Variants in SPAG16 observed in about 807,000 individuals in gnomAD.
SPAG16 encodes the protein sperm-associated antigen 16 protein.
A neutral mutation model predicts 80.4 loss-of-function variants in SPAG16; 86 were observed. That is an observed-to-expected ratio of 1.07 (90% CI 0.90 to 1.28). The LOEUF is 1.28. Ranked by LOEUF, SPAG16 falls within the 50% of genes most tolerant of loss-of-function variation. The pLI is 0.00. For missense variants in SPAG16, 870 were observed against 765.3 expected (o/e 1.14, Z -1.61); for synonymous variants, 294 against 265.9 (o/e 1.11, Z -1.03).
At chr2:213,333,062 AAGTC>A (rs1284277716) in intron 5 of SPAG16, among the ~76,000 whole-genome samples, 1 of 152,126 alleles carries the variant, frequency 6.6e-6, no homozygotes, top group Admixed American at 6.6e-5. Context: ...GGAAAGGAAA[AAGTC>A]AAATTATCCT....
chr2:214,020,132 G>A (rs2047787467), intron 13 of SPAG16, among the ~76,000 whole-genome samples: 1 of 152,066 alleles, frequency 6.6e-6, no homozygotes, highest in African/African-American at 2.4e-5. Flanking sequence ...GGAGCCTGAG[G>A]AAGTAAGTTG....
chr2:214,256,487 C>A (rs541438425), intron 15 of SPAG16, among the ~76,000 whole-genome samples: 14 of 152,028 alleles, frequency 9.2e-5, no homozygotes, highest in African/African-American at 3.4e-4. Flanking sequence ...AGGTATTCTC[C>A]TTTGCTGTTT....
At chr2:214,406,432 T>G (rs1171796714) in intron 15 of SPAG16, among the ~76,000 whole-genome samples, 1 of 152,154 alleles carries the variant, frequency 6.6e-6, no homozygotes, top group Non-Finnish European at 1.5e-5. Context: ...ATTTTACCAC[T>G]CAATTTGTAT....
intron 9 of SPAG16, among the ~76,000 whole-genome samples, chr2:213,410,211 C>T (rs1204527377): frequency 6.6e-6 from 1 of 152,236 alleles, no homozygotes. Context: ...TTCATCTATT[C>T]TATTACTCTT....
rs144975958 is a variant in SPAG16, at chr2:213,925,419, T to G, written c.1215-4541T>G. Among the ~76,000 whole-genome samples, 794 of 151,928 alleles carry G rather than the reference T, an allele frequency of 5.2e-3. 14 individuals carry two copies. Among genetic ancestry groups the G allele is most frequent in the East Asian group, 0.041 (213 of 5,160 alleles). ...TAGGCTGGAGTGCAGTGTCACAATCTTGGCTCACTGCAACCTCTGCCTCCT... is the reference window on the plus strand; with the variant it reads ...TAGGCTGGAGTGCAGTGTCACAATCGTGGCTCACTGCAACCTCTGCCTCCT... On this transcript the variant is annotated intron_variant, in intron 11 of 15. Transcript: ENST00000331683.
At chr2:214,127,035 A>C (rs1439811935) in intron 14 of SPAG16, among the ~76,000 whole-genome samples, 1 of 151,878 alleles carries the variant, frequency 6.6e-6, no homozygotes, top group East Asian at 1.9e-4. Context: ...GGGAAAAGAA[A>C]TAGATTTGAT....
At chr2:213,575,708 G>A (rs2060100593) in intron 10 of SPAG16, among the ~76,000 whole-genome samples, 1 of 152,006 alleles carries the variant, frequency 6.6e-6, no homozygotes, top group African/African-American at 2.4e-5. Context: ...CATTGAATTA[G>A]TTGTTCAGCA....
In SPAG16 at chr2:214,340,754, C is replaced by T. The variant is rs561555554; in HGVS notation, c.1721-69386C>T. 4.6e-5 allele frequency among the ~76,000 whole-genome samples: 7 copies of T among 152,284 alleles called. No individual in the cohort carries two copies. In the East Asian group the frequency reaches 1.4e-3, roughly 29 times the overall value. On this transcript the variant is annotated intron_variant, in intron 15 of 15. Coordinates refer to ENST00000331683, the MANE Select transcript of SPAG16 (RefSeq NM_024532.5). ...GCCCTATATGGCTGTAATTAAGGTG[C>T]TGGCTGAGGCTGTGATTAGGTCAGG...
At chr2:213,908,424 G>C (rs117656244) in intron 11 of SPAG16, among the ~76,000 whole-genome samples, 5 of 152,124 alleles carry the variant, frequency 3.3e-5, no homozygotes, top group Admixed American at 3.3e-4. Context: ...TATTCTTAGA[G>C]CTTTCTTGGC....
chr2:213,508,857 T>C (rs1366629464), intron 10 of SPAG16, among the ~76,000 whole-genome samples: 1 of 151,912 alleles, frequency 6.6e-6, no homozygotes, highest in East Asian at 1.9e-4. Context: ...ACATGGCACA[T>C]GTATACATAT....
intron 10 of SPAG16, among the ~76,000 whole-genome samples, chr2:213,516,974 A>T (rs186628412): frequency 6.6e-6 from 1 of 152,336 alleles, no homozygotes; most frequent in East Asian, 1.9e-4. Flanking sequence ...AATGCAATCA[A>T]GTAAGAGAAA....
intron 12 of SPAG16, among the ~76,000 whole-genome samples, chr2:214,000,975 C>T (rs2046765257): frequency 6.6e-6 from 1 of 152,106 alleles, no homozygotes; most frequent in African/African-American, 2.4e-5. Context: ...GAGATCTTGC[C>T]TTTGTCATTA....
At chr2:213,930,762 A>T (rs2078713087) in intron 12 of SPAG16, among the ~76,000 whole-genome samples, 1 of 152,164 alleles carries the variant, frequency 6.6e-6, no homozygotes. Context: ...ATATTTTTGG[A>T]TGCTCATTAC....
chr2:213,787,643 G>T (rs1362536957), intron 10 of SPAG16, among the ~76,000 whole-genome samples: 1 of 151,864 alleles, frequency 6.6e-6, no homozygotes, highest in Non-Finnish European at 1.5e-5. Context: ...ATAATTAAAT[G>T]ATTTTTAAAT....
chr2:213,791,099 T>C (rs2070671466), intron 10 of SPAG16, among the ~76,000 whole-genome samples: 1 of 152,076 alleles, frequency 6.6e-6, no homozygotes, highest in Non-Finnish European at 1.5e-5. Context: ...TTCAGTGGTG[T>C]GGACATAGTA....
chr2:213,315,340 C>T (rs1196837865), intron 4 of SPAG16, among the ~76,000 whole-genome samples: 1 of 151,872 alleles, frequency 6.6e-6, no homozygotes, highest in Non-Finnish European at 1.5e-5. Context: ...TTCTCTTCTC[C>T]CTCAGACTCT....
chr2:214,095,219 T>C (rs1231492276), intron 13 of SPAG16, among the ~76,000 whole-genome samples: 4 of 152,118 alleles, frequency 2.6e-5, no homozygotes, highest in East Asian at 1.9e-4. Flanking sequence ...ATTCACCTCT[T>C]GAGAATTGTG....
chr2:213,636,768 T>A (rs2062379034), intron 10 of SPAG16, among the ~76,000 whole-genome samples: 1 of 152,222 alleles, frequency 6.6e-6, no homozygotes. Context: ...TCACTGTTCG[T>A]GTATAACAAT....
At chr2:213,349,200 A>G (rs189539728) in intron 6 of SPAG16, among the ~76,000 whole-genome samples, 2,120 of 152,314 alleles carry the variant, frequency 0.014, 25 homozygotes, top group Non-Finnish European at 0.015. Flanking sequence ...TGCGGCTTAA[A>G]TTGAAATTGA....
Sources: gnomAD v4.1 joint callset for allele counts (sites outside exome capture counted in the v4.1 genomes callset) on GRCh38, gnomAD v4.1.1 for gene constraint, MANE v1.5 for transcripts, NCBI Gene and HGNC (gene_info 2026-07-23, HGNC 2026-07-21) for gene names.